RARB: variants seen among roughly 807,000 people sequenced by gnomAD.
RARB encodes HBV-activated protein.
In RARB, 17 loss-of-function variants were observed where a neutral mutation model predicts 51.9. That is an observed-to-expected ratio of 0.33 (90% CI 0.22 to 0.49). RARB has a LOEUF of 0.49. RARB is among the 20% of genes least tolerant of loss of function. The pLI is 0.99. For synonymous variants in RARB, 215 were observed against 195.4 expected, an observed-to-expected ratio of 1.10 and a Z score of -0.84; for missense variants, 369 against 550.8, an observed-to-expected ratio of 0.67 and a Z score of 3.30.
At chr3:25,170,630 C>T (rs370983759) in intron 4 of RARB, among the ~76,000 whole-genome samples, 17 of 152,130 alleles carry the variant, frequency 1.1e-4, no homozygotes, top group African/African-American at 4.1e-4. Flanking sequence ...TGGAAGCTTA[C>T]ATGCAAATTT....
At chr3:25,245,716 C>A (rs1193332190) in intron 5 of RARB, among the ~76,000 whole-genome samples, 4 of 152,190 alleles carry the variant, frequency 2.6e-5, no homozygotes, top group Admixed American at 6.5e-5. Flanking sequence ...CCTGACCTTT[C>A]TCTCTGACTG....
At chr3:25,270,269 G>A (rs1337000318) in intron 5 of RARB, among the ~76,000 whole-genome samples, 1 of 152,152 alleles carries the variant, frequency 6.6e-6, no homozygotes, top group African/African-American at 2.4e-5. Flanking sequence ...GCCAAATGCG[G>A]TCTGTATGTA....
At chr3:24,970,705 T>C (rs1696379431) in intron 2 of RARB, among the ~76,000 whole-genome samples, 1 of 151,758 alleles carries the variant, frequency 6.6e-6, no homozygotes, top group Non-Finnish European at 1.5e-5. Flanking sequence ...GAAAAAAAAA[T>C]ACAGCATTGT....
intron 2 of RARB, among the ~76,000 whole-genome samples, chr3:24,968,769 A>T (rs1696331602): frequency 6.6e-6 from 1 of 152,144 alleles, no homozygotes; most frequent in African/African-American, 2.4e-5. Context: ...TTGCTATTGA[A>T]CCATTGGCCG....
intron 5 of RARB, among the ~76,000 whole-genome samples, chr3:25,409,529 C>T (rs1238154483): frequency 6.6e-6 from 1 of 152,124 alleles, no homozygotes; most frequent in Non-Finnish European, 1.5e-5. Context: ...ATATTTAGGG[C>T]TCAGAGAGAA....
chr3:25,464,506 T>C (rs1695335706), intron 2 of RARB, among the ~76,000 whole-genome samples: 1 of 152,168 alleles, frequency 6.6e-6, no homozygotes, highest in Non-Finnish European at 1.5e-5. Flanking sequence ...TATTTTTATA[T>C]TGTGGGTGGA....
At chr3:24,852,160 A>G (rs1281589350) in intron 1 of RARB, among the ~76,000 whole-genome samples, 1 of 152,250 alleles carries the variant, frequency 6.6e-6, no homozygotes, top group African/African-American at 2.4e-5. Context: ...TAACAGTAAT[A>G]TATTTAAAAG....
intron 5 of RARB, among the ~76,000 whole-genome samples, chr3:25,582,576 G>A (rs1701220695): frequency 6.6e-6 from 1 of 152,152 alleles, no homozygotes; most frequent in East Asian, 1.9e-4. Flanking sequence ...GATCCTCCGG[G>A]AAAGTGTCTT....
At chr3:24,906,809 C>T (rs1322563497) in intron 2 of RARB, among the ~76,000 whole-genome samples, 9 of 137,718 alleles carry the variant, frequency 6.5e-5, no homozygotes, top group South Asian at 2.5e-4. Context: ...TGTGCCACTG[C>T]GCTCCAGCCT....
chr3:25,472,794 T>A (rs148697713), intron 2 of RARB, among the ~76,000 whole-genome samples: 25 of 152,310 alleles, frequency 1.6e-4, no homozygotes, highest in African/African-American at 5.5e-4. Context: ...TGGGAAAGCC[T>A]TACCCAATAG....
At chr3:24,871,993 G>T (rs1415707028) in intron 2 of RARB, among the ~76,000 whole-genome samples, 1 of 152,078 alleles carries the variant, frequency 6.6e-6, no homozygotes, top group African/African-American at 2.4e-5. Context: ...AAAGGGGCCT[G>T]CTTTGTTCCC....
At chr3:25,314,831 T>C (rs1704381855) in intron 5 of RARB, among the ~76,000 whole-genome samples, 1 of 152,138 alleles carries the variant, frequency 6.6e-6, no homozygotes, top group African/African-American at 2.4e-5. Context: ...AATTTTTCAG[T>C]CCTTACCTGC....
chr3:25,017,441 A>C (rs1301084635), intron 2 of RARB, among the ~76,000 whole-genome samples: 3 of 152,104 alleles, frequency 2.0e-5, no homozygotes, highest in African/African-American at 4.8e-5. Context: ...ACATTAATTC[A>C]AATATAAAAT....
At chr3:24,936,097 T>C (rs1400879529) in intron 2 of RARB, among the ~76,000 whole-genome samples, 2 of 152,158 alleles carry the variant, frequency 1.3e-5, no homozygotes, top group East Asian at 3.9e-4. Flanking sequence ...TCCAGAATTA[T>C]ATTCTAGAGA....
chr3:25,463,122 C>T (rs1252767172), intron 2 of RARB, among the ~76,000 whole-genome samples: 2 of 152,178 alleles, frequency 1.3e-5, no homozygotes, highest in Admixed American at 6.5e-5. Context: ...ATCCTCCCAC[C>T]TTGGCCTCCC....
intron 2 of RARB, among the ~76,000 whole-genome samples, chr3:25,495,686 G>A (rs375949947): frequency 8.5e-5 from 13 of 152,156 alleles, no homozygotes; most frequent in Admixed American, 1.3e-4. Flanking sequence ...AAAAATCCAC[G>A]GTTAGAAAAT....
intron 2 of RARB, among the ~76,000 whole-genome samples, chr3:24,892,834 T>A (rs1389449174): frequency 1.3e-5 from 2 of 152,176 alleles, no homozygotes; most frequent in Non-Finnish European, 2.9e-5. Flanking sequence ...TGACCTAACA[T>A]AATATAGGTA....
At chr3:24,887,610 G>C (rs1284241261) in intron 2 of RARB, among the ~76,000 whole-genome samples, 3 of 152,192 alleles carry the variant, frequency 2.0e-5, no homozygotes, top group Non-Finnish European at 4.4e-5. Context: ...TGAAAGAATA[G>C]CTGTAGGCCA....
At chr3:24,975,580 C>A (rs920549515) in intron 2 of RARB, among the ~76,000 whole-genome samples, 9 of 152,100 alleles carry the variant, frequency 5.9e-5, no homozygotes, top group African/African-American at 2.2e-4. Context: ...CCCTATTATA[C>A]AGGATGAGGG....
Sources: gnomAD v4.1 joint callset for allele counts (sites outside exome capture counted in the v4.1 genomes callset) on GRCh38, gnomAD v4.1.1 for gene constraint, MANE v1.5 for transcripts, NCBI Gene and HGNC (gene_info 2026-07-23, HGNC 2026-07-21) for gene names.